ACTBL2: variants seen among roughly 807,000 people sequenced by gnomAD.
The protein encoded by ACTBL2 is beta-actin-like protein 2.
ACTBL2 carries 29 observed loss-of-function variants against 23.2 expected under a neutral mutation model. That is an observed-to-expected ratio of 1.25 (90% CI 0.93 to 1.71). The LOEUF is 1.71. Ranked by LOEUF, ACTBL2 falls within the 40% of genes most tolerant of loss-of-function variation. The probability of loss-of-function intolerance (pLI) is 0.00; values close to 1 mark genes in which losing one functional copy is unlikely to be tolerated. For synonymous variants in ACTBL2, 173 were observed against 182.1 expected, an observed-to-expected ratio of 0.95 and a Z score of 0.40; for missense variants, 524 against 486.2, an observed-to-expected ratio of 1.08 and a Z score of -0.73.
rs1313341732 is a variant in ACTBL2, at chr5:57,482,284, A to AAC, written c.423_424insGT (p.Ser142ValfsTer13). 24 of 1,613,930 alleles carry AAC rather than the reference A, an allele frequency of 1.5e-5. No homozygotes were observed. The highest frequency in any genetic ancestry group is 1.9e-5 in the Non-Finnish European group (22 of 1,180,014). ...GTGGTCCGTCCTGAGGCATAGAGGGACAGCACAGCCTGGATGGCGACATAC... is the reference window on the plus strand; with the variant it reads ...GTGGTCCGTCCTGAGGCATAGAGGGAACCAGCACAGCCTGGATGGCGACATAC... On this transcript the variant is annotated frameshift_variant, in exon 1 of 1. Transcript: ENST00000423391. LOFTEE classifies it high-confidence loss of function.
At position 57,481,525 on chromosome 5, in the gene ACTBL2, C is replaced by T; in HGVS notation, c.*52G>A. On this transcript the variant is annotated 3_prime_UTR_variant, in exon 1 of 1. Coordinates refer to ENST00000423391, the MANE Select transcript of ACTBL2 (RefSeq NM_001017992.4). Reference sequence around the variant, plus strand: ...TGAAAGCGGATAAAAGCAGTACCATCACTGTGACCTAGGAAAAGGGAAAAT... The same window carrying T: ...TGAAAGCGGATAAAAGCAGTACCATTACTGTGACCTAGGAAAAGGGAAAAT... 4 of 1,567,842 alleles carry T rather than the reference C, an allele frequency of 2.6e-6. No individual in the cohort carries two copies. The highest frequency in any genetic ancestry group is 2.4e-5 in the South Asian group (2 of 83,580).
rs1296659809 is a variant in ACTBL2, at chr5:57,480,368, C to T, written c.*1209G>A. 1 of 151,988 alleles carries T rather than the reference C, an allele frequency of 6.6e-6. No individual in the cohort carries two copies. Among genetic ancestry groups the T allele is most frequent in the Non-Finnish European group, 1.5e-5 (1 of 67,938 alleles). The allele number at this position is 151,988 out of a possible 1,614,324, so 9.4% of individuals were successfully genotyped here. On this transcript the variant is annotated 3_prime_UTR_variant, in exon 1 of 1. Transcript: ENST00000423391. Reference sequence around the variant, plus strand: ...CTGATATCCAAATATTCAGAAATCACTGCATAGATTGGAATAAACATACTG... The same window carrying T: ...CTGATATCCAAATATTCAGAAATCATTGCATAGATTGGAATAAACATACTG...
At position 57,480,837 on chromosome 5, in the gene ACTBL2, A is replaced by G. The variant is rs1745139599; in HGVS notation, c.*740T>C. On this transcript the variant is annotated 3_prime_UTR_variant, in exon 1 of 1. Coordinates refer to ENST00000423391, the MANE Select transcript of ACTBL2 (RefSeq NM_001017992.4). ...TTGGTATGAGAAGGTTCAGTAAGAA[A>G]GATATTAAAATATAATTTGACCAGC... The G allele has an allele frequency of 6.6e-6, 1 of 152,196 alleles. No homozygotes were observed. Among genetic ancestry groups the G allele is most frequent in the Non-Finnish European group, 1.5e-5 (1 of 67,990 alleles). 9.4% of individuals were successfully genotyped at this position (152,196 alleles called of 1,614,324 possible).
Position 57,481,703 on chromosome 5 carries a change from C to G in ACTBL2, c.1005G>C (p.Glu335Asp). 1 of 1,614,120 alleles carries G rather than the reference C, an allele frequency of 6.2e-7. No homozygotes were observed. Among genetic ancestry groups the G allele is most frequent in the Non-Finnish European group, 8.5e-7 (1 of 1,180,036 alleles). ...TMKIKIIAPP[E>D]RKYSVWIGGS... is the part of the protein sequence containing the mutation. The stretch of plus-strand genomic sequence containing the variant: ...CCCCAATCCAAACAGAATACTTCCG[C>G]TCTGGGGGAGCTATGATCTTGATTT... Residue 335 changes from glutamate to aspartate, a missense_variant, in exon 1 of 1, where the codon GAG becomes GAC. Transcript: ENST00000423391.
In ACTBL2 at chr5:57,482,197, C is replaced by G. The variant is rs200203178; in HGVS notation, c.511G>C (p.Ala171Pro). The G allele has an allele frequency of 5.0e-6, 8 of 1,614,160 alleles. No homozygotes were observed. In the African/African-American group the frequency reaches 1.1e-4, roughly 22 times the overall value. The change falls in exon 1 of 1, where the codon GCC (alanine) becomes CCC (proline). Residue 171 changes from alanine to proline, a missense_variant. By Grantham distance (27) the Ala-to-Pro change is conservative (BLOSUM62 -1). Transcript: ENST00000423391. ...THIVPIYEGY[A>P]LPHAILRLDL... ...AGGCGTAGAATGGCATGAGGCAGGGCATAACCTTCATAGATGGGCACGATG... is the reference window on the plus strand; with the variant it reads ...AGGCGTAGAATGGCATGAGGCAGGGGATAACCTTCATAGATGGGCACGATG...
Position 57,482,664 on chromosome 5 carries a change from G to A in ACTBL2, c.44C>T (p.Ser15Leu), listed in dbSNP as rs751919928. Residue 15 changes from serine to leucine, a missense_variant, in exon 1 of 1, where the codon TCA (serine) becomes TTA (leucine). Transcript: ENST00000423391. Reference sequence around the variant, plus strand: ...ACCAAAGCCTGCCTTGCACATCCCTGACCCATTATCCACTACCAAGGCAGA... The same window carrying A: ...ACCAAAGCCTGCCTTGCACATCCCTAACCCATTATCCACTACCAAGGCAGA... ...ELSALVVDNGSGMCKAGFGGD... is the reference protein window; with the variant it reads ...ELSALVVDNGLGMCKAGFGGD... 6.2e-7 allele frequency: 1 copy of A among 1,614,018 alleles called. No individual in the cohort carries two copies. The highest frequency in any genetic ancestry group is 8.5e-7 in the Non-Finnish European group (1 of 1,180,012).
chr5:57,481,597 C>A lies in ACTBL2; in HGVS notation c.1111G>T (p.Val371Phe), dbSNP rs562161532. ...CCCATTCAGAAACATTTTCTGTGAACGATAGGAGGACCAGCCTCATCATAT... is the reference window on the plus strand; with the variant it reads ...CCCATTCAGAAACATTTTCTGTGAAAGATAGGAGGACCAGCCTCATCATAT... ...QEYDEAGPPI[V>F]HRKCF The change falls in exon 1 of 1, where the codon GTT (valine) becomes TTT (phenylalanine). Residue 371 changes from valine to phenylalanine, a missense_variant. Coordinates refer to ENST00000423391, the MANE Select transcript of ACTBL2 (RefSeq NM_001017992.4). The A allele has an allele frequency of 6.2e-7, 1 of 1,612,408 alleles. No homozygotes were observed. The highest frequency in any genetic ancestry group is 1.7e-5 in the Admixed American group (1 of 59,898).
chr5:57,481,911 G>T lies in ACTBL2; in HGVS notation c.797C>A (p.Ser266Tyr), dbSNP rs759882236. Residue 266 changes from serine to tyrosine, a missense_variant, in exon 1 of 1, where the codon TCC (serine) becomes TAC (tyrosine). Coordinates refer to ENST00000423391, the MANE Select transcript of ACTBL2 (RefSeq NM_001017992.4). ...CCCACTGGACTCAATGCCCAGAAAG[G>T]AAGGCTGGAAAATGGCTTCAGGGCA... ...FRCPEAIFQP[S>Y]FLGIESSGIH... 2 of 1,614,084 alleles carry T rather than the reference G, an allele frequency of 1.2e-6. No individual in the cohort carries two copies. The highest frequency in any genetic ancestry group is 2.2e-5 in the South Asian group (2 of 91,036).
Position 57,482,206 on chromosome 5 carries a change from C to T in ACTBL2, c.502G>A (p.Glu168Lys). The change falls in exon 1 of 1, where the codon GAA (glutamate) becomes AAA (lysine). Residue 168 changes from glutamate (E) to lysine (K), a missense_variant. Transcript: ENST00000423391. Reference protein sequence around the residue: ...DGVTHIVPIYEGYALPHAILR... With the variant: ...DGVTHIVPIYKGYALPHAILR... ...ATGGCATGAGGCAGGGCATAACCTT[C>T]ATAGATGGGCACGATGTGAGTGACC... is the stretch of plus-strand genomic sequence containing the variant. 1 of 1,614,144 alleles carries T rather than the reference C, an allele frequency of 6.2e-7. No homozygotes were observed. Among genetic ancestry groups the T allele is most frequent in the Non-Finnish European group, 8.5e-7 (1 of 1,180,034 alleles).
In ACTBL2 at chr5:57,481,973, A is replaced by G. The variant is rs370746422; in HGVS notation, c.735T>C (p.Asp245=). The G allele has an allele frequency of 3.6e-5, 58 of 1,614,030 alleles. No homozygotes were observed. Among genetic ancestry groups the G allele is most frequent in the South Asian group, 5.5e-5 (5 of 91,050 alleles). The change falls in exon 1 of 1, where the codon GAT becomes GAC. Residue 245 remains aspartate (D), a synonymous_variant. Transcript: ENST00000423391. ...SSPERSYELP[D]GQVITIGNER... ...CATTCCCAATGGTGATCACCTGCCC[A>G]TCAGGAAGTTCATAGCTCCGTTCCG...
In ACTBL2 at chr5:57,481,741, G is replaced by A. The variant is rs551666627; in HGVS notation, c.967C>T (p.Pro323Ser). The change falls in exon 1 of 1, where the codon CCC (proline) becomes TCC (serine). Residue 323 changes from proline (P) to serine (S), a missense_variant. Physicochemically the swap from Pro to Ser is moderately conservative, Grantham distance 74. Transcript: ENST00000423391. Reference sequence around the variant, plus strand: ...ATGATCTTGATTTTCATGGTGCTGGGTGCCAGGGTTATGATTTCTTTCTGC... The same window carrying A: ...ATGATCTTGATTTTCATGGTGCTGGATGCCAGGGTTATGATTTCTTTCTGC... ...RMQKEIITLAPSTMKIKIIAP... is the reference protein window; with the variant it reads ...RMQKEIITLASSTMKIKIIAP... 6.2e-6 allele frequency: 10 copies of A among 1,613,960 alleles called. No homozygotes were observed. The South Asian group carries it at 1.1e-4, about 18-fold the overall frequency.
In ACTBL2 at chr5:57,481,970, C is replaced by T; in HGVS notation, c.738G>A (p.Gly246=). ...SPERSYELPD[G]QVITIGNERF... ...GTTCATTCCCAATGGTGATCACCTG[C>T]CCATCAGGAAGTTCATAGCTCCGTT... The change falls in exon 1 of 1, where the codon GGG becomes GGA. Residue 246 remains glycine, a synonymous_variant. Transcript: ENST00000423391. 1.2e-6 allele frequency: 2 copies of T among 1,614,122 alleles called. No homozygotes were observed. Among genetic ancestry groups the T allele is most frequent in the Non-Finnish European group, 1.7e-6 (2 of 1,180,032 alleles).
Position 57,481,690 on chromosome 5 carries a change from C to G in ACTBL2, c.1018G>C (p.Val340Leu). Residue 340 changes from valine to leucine, a missense_variant, in exon 1 of 1, where the codon GTT becomes CTT. Coordinates refer to ENST00000423391, the MANE Select transcript of ACTBL2 (RefSeq NM_001017992.4). ...GCAAGGATGGAGCCCCCAATCCAAACAGAATACTTCCGCTCTGGGGGAGCT... is the reference window on the plus strand; with the variant it reads ...GCAAGGATGGAGCCCCCAATCCAAAGAGAATACTTCCGCTCTGGGGGAGCT... ...IIAPPERKYS[V>L]WIGGSILASL... 6.2e-7 allele frequency: 1 copy of G among 1,613,772 alleles called. No homozygotes were observed. Among genetic ancestry groups the G allele is most frequent in the Non-Finnish European group, 8.5e-7 (1 of 1,179,924 alleles).
In ACTBL2 at chr5:57,481,938, C is replaced by T. The variant is rs1313228487; in HGVS notation, c.770G>A (p.Arg257Gln). The change falls in exon 1 of 1, where the codon CGA becomes CAA. Residue 257 changes from arginine (R) to glutamine (Q), a missense_variant. Arg to Gln is a conservative substitution (Grantham distance 43, BLOSUM62 1). Transcript: ENST00000423391. ...AGGCTGGAAAATGGCTTCAGGGCAT[C>T]GGAAGCGTTCATTCCCAATGGTGAT... ...QVITIGNERF[R>Q]CPEAIFQPSF... 4.7e-5 allele frequency: 76 copies of T among 1,613,972 alleles called. No individual in the cohort carries two copies. The highest frequency in any genetic ancestry group is 6.0e-5 in the Non-Finnish European group (71 of 1,180,038).
Position 57,481,985 on chromosome 5 carries a change from A to G in ACTBL2, c.723T>C (p.Tyr241=). The G allele has an allele frequency of 6.2e-7, 1 of 1,614,176 alleles. No homozygotes were observed. The highest frequency in any genetic ancestry group is 8.5e-7 in the Non-Finnish European group (1 of 1,180,048). Residue 241 remains tyrosine (Y), a synonymous_variant, in exon 1 of 1, where the codon TAT becomes TAC. Transcript: ENST00000423391. ...TGATCACCTGCCCATCAGGAAGTTC[A>G]TAGCTCCGTTCCGGTGAGGAGGATG... ...AAASSSPERS[Y]ELPDGQVITI...
At position 57,480,723 on chromosome 5, in the gene ACTBL2, A is replaced by G. The variant is rs1745137000; in HGVS notation, c.*854T>C. The G allele has an allele frequency of 6.6e-6, 1 of 152,202 alleles. No individual in the cohort carries two copies. The allele number at this position is 152,202 out of a possible 1,614,324, so 9.4% of individuals were successfully genotyped here. On this transcript the variant is annotated 3_prime_UTR_variant, in exon 1 of 1. Transcript: ENST00000423391. ...TGCTATTACACTAAGAAATAGAAAT[A>G]AAATTACCTCTGTCAAATTGTACCA...
Position 57,481,488 on chromosome 5 carries a change from C to T in ACTBL2, c.*89G>A, listed in dbSNP as rs1321162968. The T allele has an allele frequency of 1.4e-6, 2 of 1,475,880 alleles. No individual in the cohort carries two copies. Among genetic ancestry groups the T allele is most frequent in the African/African-American group, 1.4e-5 (1 of 70,954 alleles). 91.4% of individuals were successfully genotyped at this position (1,475,880 alleles called of 1,614,324 possible). Reference sequence around the variant, plus strand: ...TACACTAGGAAGAGTGACGTATTTACCTCGATTCTACTGAAAGCGGATAAA... The same window carrying T: ...TACACTAGGAAGAGTGACGTATTTATCTCGATTCTACTGAAAGCGGATAAA... On this transcript the variant is annotated 3_prime_UTR_variant, in exon 1 of 1. Coordinates refer to ENST00000423391, the MANE Select transcript of ACTBL2 (RefSeq NM_001017992.4).
chr5:57,481,408 T>C lies in ACTBL2; in HGVS notation c.*169A>G. 1.3e-6 allele frequency: 1 copy of C among 741,250 alleles called. No individual in the cohort carries two copies. The highest frequency in any genetic ancestry group is 2.2e-6 in the Non-Finnish European group (1 of 464,076). The allele number at this position is 741,250 out of a possible 1,614,324, so 45.9% of individuals were successfully genotyped here. A position where few individuals can be genotyped will look rare whatever the true frequency, so the allele number is the denominator to read the frequency against. ...CCTTCACTTGATGGAGAACCGGATG[T>C]GGTTATCTGGGTAAGAGCCCAGGTT... On this transcript the variant is annotated 3_prime_UTR_variant, in exon 1 of 1. Transcript: ENST00000423391.
chr5:57,482,511 A>T lies in ACTBL2; in HGVS notation c.197T>A (p.Leu66Gln). The change falls in exon 1 of 1, where the codon CTG becomes CAG. Residue 66 changes from leucine to glutamine, a missense_variant. Transcript: ENST00000423391. ...GDEAQSKRGV[L>Q]TLKYPIEHGV... Reference sequence around the variant, plus strand: ...ATGCTCGATAGGATACTTCAGGGTCAGGACGCCTCTCTTGCTCTGAGCCTC... The same window carrying T: ...ATGCTCGATAGGATACTTCAGGGTCTGGACGCCTCTCTTGCTCTGAGCCTC... 1 of 1,614,096 alleles carries T rather than the reference A, an allele frequency of 6.2e-7. No homozygotes were observed. The highest frequency in any genetic ancestry group is 8.5e-7 in the Non-Finnish European group (1 of 1,180,018).
Sources: allele counts gnomAD v4.1 joint callset, GRCh38; gene constraint gnomAD v4.1.1; transcripts MANE v1.5; gene names NCBI Gene and HGNC (gene_info 2026-07-23, HGNC 2026-07-21).